CCDC192: variants seen among roughly 807,000 people sequenced by gnomAD.
The protein encoded by CCDC192 is coiled-coil domain-containing protein 192.
Position 127,851,707 on chromosome 5 carries a change from C to T in CCDC192, c.412-23831C>T, listed in dbSNP as rs112177880. 8.2e-3 allele frequency among the ~76,000 whole-genome samples: 1,247 copies of T among 152,322 alleles called. 18 individuals carry two copies. Among genetic ancestry groups the T allele is most frequent in the African/African-American group, 0.029 (1,187 of 41,572 alleles). On this transcript the variant is annotated intron_variant, in intron 5 of 6. Transcript: ENST00000514853. ...TCCTGACCTCGTGATCTGCCCGCCT[C>T]GGCCTCCCAAAGTGCTGGGATTACA...
chr5:127,734,777 T>C (rs1475479873), intron 2 of CCDC192, among the ~76,000 whole-genome samples: 2 of 151,456 alleles, frequency 1.3e-5, no homozygotes, highest in Middle Eastern at 3.4e-3. Flanking sequence ...TGGGGTTGTT[T>C]GTTTTTTTCT....
At chr5:127,719,334 AT>A (rs1331460700) in intron 2 of CCDC192, among the ~76,000 whole-genome samples, 1 of 151,456 alleles carries the variant, frequency 6.6e-6, no homozygotes, top group African/African-American at 2.4e-5. Context: ...AATCCTGGCT[AT>A]TGTGACTAGT....
At chr5:127,919,953 C>G (rs933701111) in intron 6 of CCDC192, among the ~76,000 whole-genome samples, 9 of 152,226 alleles carry the variant, frequency 5.9e-5, no homozygotes, top group African/African-American at 2.2e-4. Context: ...GCCACTTACT[C>G]TCTGTTACTT....
At chr5:127,939,213 G>A (rs1223442623) in intron 6 of CCDC192, among the ~76,000 whole-genome samples, 1 of 145,882 alleles carries the variant, frequency 6.9e-6, no homozygotes, top group Non-Finnish European at 1.5e-5. Flanking sequence ...CAACTCCCAG[G>A]TTGAAGTGAT....
intron 5 of CCDC192, among the ~76,000 whole-genome samples, chr5:127,848,067 G>A (rs1750642237): frequency 6.6e-6 from 1 of 151,878 alleles, no homozygotes; most frequent in Non-Finnish European, 1.5e-5. Flanking sequence ...CAAAGTGCTG[G>A]GATTACAGTG....
At chr5:127,788,967 T>G (rs1173159230) in intron 3 of CCDC192, among the ~76,000 whole-genome samples, 1 of 152,232 alleles carries the variant, frequency 6.6e-6, no homozygotes, top group African/African-American at 2.4e-5. Context: ...ATAAGAGCTC[T>G]ACTTTTCTTC....
At chr5:127,844,931 T>G (rs986414900) in intron 5 of CCDC192, among the ~76,000 whole-genome samples, 1 of 152,154 alleles carries the variant, frequency 6.6e-6, no homozygotes, top group African/African-American at 2.4e-5. Flanking sequence ...TTGACTTTTG[T>G]TATTTGTTTA....
chr5:127,891,421 C>A (rs1752728221), intron 6 of CCDC192, among the ~76,000 whole-genome samples: 1 of 152,188 alleles, frequency 6.6e-6, no homozygotes, highest in African/African-American at 2.4e-5. Context: ...TATCTTTCAT[C>A]TTTCCACTAC....
intron 5 of CCDC192, among the ~76,000 whole-genome samples, chr5:127,816,114 GC>G (rs1050969579): frequency 1.3e-5 from 2 of 152,108 alleles, no homozygotes; most frequent in African/African-American, 4.8e-5. Flanking sequence ...GAGGGGAGGG[GC>G]TTATGATGGA....
At position 127,932,447 on chromosome 5, in the gene CCDC192, T is replaced by C. The variant is rs565700067; in HGVS notation, c.536-8735T>C. 4.6e-5 allele frequency among the ~76,000 whole-genome samples: 7 copies of C among 152,168 alleles called. No individual in the cohort carries two copies. The South Asian group carries it at 1.5e-3, about 32-fold the overall frequency. On this transcript the variant is annotated intron_variant, in intron 6 of 6. Coordinates refer to ENST00000514853, the MANE Select transcript of CCDC192 (RefSeq NM_001317938.2). The stretch of plus-strand genomic sequence containing the variant: ...TCGAACTCCCAACTTCAGGTGATCC[T>C]CCCACTTCGGCCTCCTAAAGTGCTG...
chr5:127,827,005 G>A (rs1344958525), intron 5 of CCDC192, among the ~76,000 whole-genome samples: 1 of 152,080 alleles, frequency 6.6e-6, no homozygotes, highest in Non-Finnish European at 1.5e-5. Flanking sequence ...TAAAACTTGT[G>A]TGTATATTTA....
At chr5:127,754,503 A>C in intron 3 of CCDC192, 128 bp downstream of exon 3, 1 of 381,970 alleles carries the variant, frequency 2.6e-6, no homozygotes, top group Non-Finnish European at 4.6e-6. Context: ...ATACACACAC[A>C]CACACACACA....
chr5:127,846,573 G>A (rs554991862), intron 5 of CCDC192, among the ~76,000 whole-genome samples: 14 of 152,002 alleles, frequency 9.2e-5, no homozygotes, highest in Non-Finnish European at 1.9e-4. Flanking sequence ...AGGTTCAAGC[G>A]ATTCTCATGC....
rs549104243 is a variant in CCDC192 at position 127,916,366 on chromosome 5, G to A, written c.536-24816G>A. On this transcript the variant is annotated intron_variant, in intron 6 of 6. Coordinates refer to ENST00000514853, the MANE Select transcript of CCDC192 (RefSeq NM_001317938.2). ...TGGAATCAACTTCCTCTATACTGTT[G>A]TTAATATTGATAATTTGACTTCATT... is the stretch of plus-strand genomic sequence containing the variant. Among the ~76,000 whole-genome samples the A allele has an allele frequency of 4.6e-5, 7 of 152,312 alleles. No homozygotes were observed. In the East Asian group the frequency reaches 1.3e-3, roughly 29 times the overall value.
At chr5:127,751,146 A>T (rs1219968542) in intron 2 of CCDC192, among the ~76,000 whole-genome samples, 1 of 146,652 alleles carries the variant, frequency 6.8e-6, no homozygotes, top group Non-Finnish European at 1.5e-5. Flanking sequence ...TGTGAATTTG[A>T]TCCTGTCATT....
intron 6 of CCDC192, among the ~76,000 whole-genome samples, chr5:127,888,427 A>C (rs528976600): frequency 4.3e-4 from 66 of 152,210 alleles, no homozygotes; most frequent in African/African-American, 7.0e-4. Flanking sequence ...AACAAACAAA[A>C]AAAAAAGTCA....
chr5:127,726,173 AAT>A (rs1327984491), intron 2 of CCDC192, among the ~76,000 whole-genome samples: 9 of 152,232 alleles, frequency 5.9e-5, no homozygotes, highest in Middle Eastern at 3.4e-3. Context: ...TTTTAAAATA[AAT>A]ATATGTTATC....
chr5:127,759,827 G>GT (rs1754812286), intron 3 of CCDC192, among the ~76,000 whole-genome samples: 1 of 152,242 alleles, frequency 6.6e-6, no homozygotes, highest in South Asian at 2.1e-4. Context: ...CTACTATCCA[G>GT]TTTTCTCTTC....
intron 2 of CCDC192, among the ~76,000 whole-genome samples, chr5:127,739,039 T>G (rs1032098904): frequency 6.6e-6 from 1 of 152,106 alleles, no homozygotes; most frequent in African/African-American, 2.4e-5. Context: ...TTCTGTTCTG[T>G]TTTTTCCCCA....
Sources: gnomAD v4.1 joint callset for allele counts (sites outside exome capture counted in the v4.1 genomes callset) on GRCh38, gnomAD v4.1.1 for gene constraint, MANE v1.5 for transcripts, NCBI Gene and HGNC (gene_info 2026-07-23, HGNC 2026-07-21) for gene names.